GRID1: variants seen among roughly 807,000 people sequenced by gnomAD.
GRID1 encodes the protein glutamate ionotropic receptor delta type subunit 1.
In GRID1, 28 loss-of-function variants were observed where a neutral mutation model predicts 98.0. That is an observed-to-expected ratio of 0.29 (90% confidence interval 0.21 to 0.39). GRID1 has a LOEUF of 0.39. Among genes scored for constraint, GRID1 ranks in the 10% least tolerant of loss-of-function variants. The probability of loss-of-function intolerance (pLI) is 1.00; values close to 1 mark genes in which losing one functional copy is unlikely to be tolerated. For missense variants in GRID1, 1,111 were observed against 1,340.5 expected (o/e 0.83, Z 2.67); for synonymous variants, 553 against 538.5 (o/e 1.03, Z -0.37).
intron 4 of GRID1, among the ~76,000 whole-genome samples, chr10:86,119,510 T>C (rs1268401695): frequency 6.6e-6 from 1 of 152,208 alleles, no homozygotes; most frequent in Non-Finnish European, 1.5e-5. Flanking sequence ...ATCTTCATAA[T>C]GATCCTAAAA....
chr10:85,902,228 T>C (rs1430681612), intron 5 of GRID1, among the ~76,000 whole-genome samples: 1 of 152,200 alleles, frequency 6.6e-6, no homozygotes, highest in Non-Finnish European at 1.5e-5. Context: ...TTCTATCTGA[T>C]AACCTAGTAG....
intron 8 of GRID1, among the ~76,000 whole-genome samples, chr10:85,730,950 G>GA (rs1377248326): frequency 1.3e-5 from 2 of 152,146 alleles, no homozygotes; most frequent in Non-Finnish European, 2.9e-5. Flanking sequence ...TGTTGTCAGG[G>GA]AAAATCCATA....
intron 6 of GRID1, among the ~76,000 whole-genome samples, chr10:85,862,266 T>A (rs73340520): frequency 3.3e-5 from 5 of 152,140 alleles, no homozygotes; most frequent in African/African-American, 1.2e-4. Context: ...GCATAACAAA[T>A]GCATAAATGG....
At chr10:86,296,600 A>G (rs1362463112) in intron 2 of GRID1, among the ~76,000 whole-genome samples, 4 of 152,262 alleles carry the variant, frequency 2.6e-5, no homozygotes, top group Non-Finnish European at 4.4e-5. Context: ...TTAGCTGGGC[A>G]TGGTGGCATG....
intron 2 of GRID1, among the ~76,000 whole-genome samples, chr10:86,299,482 C>CAT (rs1564732644): frequency 6.6e-6 from 1 of 151,598 alleles, no homozygotes; most frequent in Admixed American, 6.6e-5. Flanking sequence ...ATCCCTCCCC[C>CAT]CTCGCCCCCC....
chr10:86,032,913 T>C (rs1843207535), intron 4 of GRID1, among the ~76,000 whole-genome samples: 1 of 149,530 alleles, frequency 6.7e-6, no homozygotes, highest in Non-Finnish European at 1.5e-5. Context: ...ATCTCAAAAA[T>C]GTCATTTCTA....
At chr10:86,358,514 T>C (rs974350934) in intron 2 of GRID1, among the ~76,000 whole-genome samples, 2 of 151,944 alleles carry the variant, frequency 1.3e-5, no homozygotes, top group Admixed American at 1.3e-4. Flanking sequence ...ATCCCAGCAC[T>C]TTGGGAGGCA....
intron 12 of GRID1, among the ~76,000 whole-genome samples, chr10:85,701,605 A>G (rs979965288): frequency 2.0e-5 from 3 of 152,196 alleles, no homozygotes; most frequent in African/African-American, 7.2e-5. Flanking sequence ...TTCTAACTGC[A>G]TCCAGATGTA....
chr10:86,113,513 A>G lies in GRID1; in HGVS notation c.726+25306T>C, dbSNP rs183636117. On this transcript the variant is annotated intron_variant, in intron 4 of 15. Transcript: ENST00000327946. ...CACATAGCCGAAAGTAGCCCCAGTC[A>G]TGTCTCATTACATGGTTCTGTTCTA... Among the ~76,000 whole-genome samples the G allele has an allele frequency of 1.1e-4, 16 of 152,368 alleles. No homozygotes were observed. In the East Asian group the frequency reaches 2.9e-3, roughly 28 times the overall value.
At chr10:85,668,823 G>A (rs1037531133) in intron 12 of GRID1, among the ~76,000 whole-genome samples, 2 of 152,174 alleles carry the variant, frequency 1.3e-5, no homozygotes, top group African/African-American at 2.4e-5. Context: ...CAGGCTCTAC[G>A]CTGCACATCA....
intron 4 of GRID1, among the ~76,000 whole-genome samples, chr10:85,927,098 C>G (rs554645013): frequency 2.3e-4 from 35 of 152,352 alleles, no homozygotes; most frequent in African/African-American, 8.4e-4. Context: ...ACTTTGGAAA[C>G]TCTTCCTGCC....
At chr10:85,943,986 T>C (rs756061880) in intron 4 of GRID1, among the ~76,000 whole-genome samples, 2 of 152,254 alleles carry the variant, frequency 1.3e-5, no homozygotes, top group Non-Finnish European at 2.9e-5. Flanking sequence ...CCTATCTTGC[T>C]GCTCTGAGGA....
At chr10:86,232,188 G>GCCC (rs1846464976) in intron 2 of GRID1, among the ~76,000 whole-genome samples, 1 of 152,206 alleles carries the variant, frequency 6.6e-6, no homozygotes, top group Admixed American at 6.5e-5. Context: ...GAAGAAAACT[G>GCCC]GGAGGCCAGG....
chr10:86,140,803 T>C (rs994615710), intron 3 of GRID1, among the ~76,000 whole-genome samples: 1 of 152,224 alleles, frequency 6.6e-6, no homozygotes, highest in African/African-American at 2.4e-5. Context: ...ACCATTTTCC[T>C]GGGACTCTGA....
rs370877635 is a variant in GRID1, at chr10:86,084,905, G to A, written c.726+53914C>T. Reference sequence around the variant, plus strand: ...AGGAATGGGGAGTTATTGTTTCATGGGTACAAAGTTGCAGTTTGGGCTAAT... The same window carrying A: ...AGGAATGGGGAGTTATTGTTTCATGAGTACAAAGTTGCAGTTTGGGCTAAT... On this transcript the variant is annotated intron_variant, in intron 4 of 15. Coordinates refer to ENST00000327946, the MANE Select transcript of GRID1 (RefSeq NM_017551.3). Among the ~76,000 whole-genome samples, 14 of 152,188 alleles carry A rather than the reference G, an allele frequency of 9.2e-5. No homozygotes were observed. In the South Asian group the frequency reaches 2.7e-3, roughly 29 times the overall value.
intron 13 of GRID1, among the ~76,000 whole-genome samples, chr10:85,626,097 C>T: frequency 6.6e-6 from 1 of 152,226 alleles, no homozygotes; most frequent in Non-Finnish European, 1.5e-5. Flanking sequence ...AAGACAGGTG[C>T]CTGTAGTGCC....
chr10:85,855,985 GGGGCCTGTCTT>G, intron 7 of GRID1, 33 bp downstream of exon 7: 1 of 1,585,100 alleles, frequency 6.3e-7, no homozygotes, highest in African/African-American at 1.3e-5. Context: ...GGTATAAGAA[GGGGCCTGTCTT>G]TGGCCAGGTT....
chr10:86,194,549 G>A (rs1156938920), intron 3 of GRID1, among the ~76,000 whole-genome samples: 1 of 152,138 alleles, frequency 6.6e-6, no homozygotes, highest in Non-Finnish European at 1.5e-5. Flanking sequence ...GGGAGAACAC[G>A]TGCCTAATGG....
chr10:86,258,243 G>T (rs1314891027), intron 2 of GRID1, among the ~76,000 whole-genome samples: 2 of 151,852 alleles, frequency 1.3e-5, no homozygotes, highest in Admixed American at 1.3e-4. Flanking sequence ...TATTTTCAAA[G>T]ATAAAAAAAT....
Sources: allele counts gnomAD v4.1 joint callset (sites outside exome capture counted in the v4.1 genomes callset), GRCh38; gene constraint gnomAD v4.1.1; transcripts MANE v1.5; gene names NCBI Gene and HGNC (gene_info 2026-07-23, HGNC 2026-07-21).